DHX8: variants seen among roughly 807,000 people sequenced by gnomAD.
The protein encoded by DHX8 is ATP-dependent RNA helicase DHX8.
In DHX8, 67 loss-of-function variants were observed where a neutral mutation model predicts 140.7. That is an observed-to-expected ratio of 0.48 (90% CI 0.39 to 0.58). DHX8 has a LOEUF of 0.58. DHX8 is among the 20% of genes least tolerant of loss of function. The pLI is 0.00. For missense variants in DHX8, 887 were observed against 1,550.7 expected (o/e 0.57, Z 7.19); for synonymous variants, 533 against 553.2 (o/e 0.96, Z 0.51).
At chr17:43,489,417 C>T (rs774763179) in intron 1 of DHX8, 32 bp from the exon 2 acceptor site, 24 of 460,512 alleles carry the variant, frequency 5.2e-5, no homozygotes, top group Non-Finnish European at 8.7e-5. Flanking sequence ...GTTCATGTCT[C>T]TTCTTTTCTG....
chr17:43,492,898 T>A lies in DHX8; in HGVS notation c.721T>A (p.Tyr241Asn). ...PPKDRKDRDK[Y>N]GERNLDRWRD... ...CAAAGACCGGAAGGACCGGGACAAATATGGAGAGCGGAATCTGGATAGATG... is the reference window on the plus strand; with the variant it reads ...CAAAGACCGGAAGGACCGGGACAAAAATGGAGAGCGGAATCTGGATAGATG... Residue 241 changes from tyrosine (Y) to asparagine (N), a missense_variant, in exon 6 of 23, where the codon TAT (tyrosine) becomes AAT (asparagine). Tyr to Asn is a moderately radical substitution (Grantham distance 143). Coordinates refer to ENST00000262415, the MANE Select transcript of DHX8 (RefSeq NM_004941.3). The A allele has an allele frequency of 6.2e-7, 1 of 1,614,112 alleles. No homozygotes were observed. Among genetic ancestry groups the A allele is most frequent in the Non-Finnish European group, 8.5e-7 (1 of 1,180,020 alleles).
chr17:43,488,401 GGA>G (rs1403305486), intron 1 of DHX8, among the ~76,000 whole-genome samples: 1 of 152,132 alleles, frequency 6.6e-6, no homozygotes, highest in Non-Finnish European at 1.5e-5. Context: ...CACAAGGTCA[GGA>G]GATCAAGACC....
chr17:43,528,462 C>G, downstream of DHX8: 2 of 1,200,456 alleles, frequency 1.7e-6, no homozygotes, highest in Non-Finnish European at 2.3e-6. Flanking sequence ...ACACCAGATT[C>G]ATTTATATGT....
chr17:43,509,931 A>G (rs751729985), intron 16 of DHX8, among the ~76,000 whole-genome samples: 5 of 151,966 alleles, frequency 3.3e-5, no homozygotes, highest in Admixed American at 6.6e-5. Flanking sequence ...GGCCTCCCAA[A>G]GTGCTGGGAT....
intron 2 of DHX8, chr17:43,532,555 G>A: frequency 1.2e-6 from 1 of 865,478 alleles, no homozygotes; most frequent in Non-Finnish European, 1.8e-6. Context: ...AAGAAAAAAA[G>A]TGGGTGGGTG....
At chr17:43,519,075 G>T (rs562767357) in intron 18 of DHX8, 6 of 152,306 alleles carry the variant, frequency 3.9e-5, no homozygotes, top group African/African-American at 1.4e-4. Context: ...TTAGTGTGCA[G>T]GTATCTGTTT....
Position 43,507,696 on chromosome 17 carries a change from G to GAT in DHX8, c.2109+9_2109+10dup, listed in dbSNP as rs769929822. 1.9e-6 allele frequency: 3 copies of GAT among 1,613,676 alleles called. No homozygotes were observed. The Admixed American group carries it at 5.0e-5, about 27-fold the overall frequency. The stretch of plus-strand genomic sequence containing the variant: ...TTTGGATTGTTGAAAAAGGTAACTA[G>GAT]ATGCTCTTTAATGACCCCTCTACCT... On this transcript the variant is annotated intron_variant, in intron 14 of 22. Transcript: ENST00000262415.
chr17:43,526,638 T>C, downstream of DHX8: 1 of 1,532,552 alleles, frequency 6.5e-7, no homozygotes, highest in Non-Finnish European at 8.7e-7. Flanking sequence ...TCTCAGCTTG[T>C]GGAGACCTTT....
chr17:43,486,397 G>A (rs1968146194), intron 1 of DHX8, among the ~76,000 whole-genome samples: 1 of 152,128 alleles, frequency 6.6e-6, no homozygotes, highest in Non-Finnish European at 1.5e-5. Flanking sequence ...AGTTGAGATA[G>A]TAGAGTTTCC....
chr17:43,505,800 G>A (rs1567686929), intron 12 of DHX8, among the ~76,000 whole-genome samples: 1 of 151,876 alleles, frequency 6.6e-6, no homozygotes, highest in African/African-American at 2.4e-5. Flanking sequence ...TAAGACCACC[G>A]AGTCTTCCTT....
chr17:43,520,003 C>G, intron 18 of DHX8, 127 bp from the exon 19 acceptor site: 5 of 993,752 alleles, frequency 5.0e-6, no homozygotes, highest in Non-Finnish European at 7.7e-6. Flanking sequence ...AAGTTACCGC[C>G]AGTCTCACCG....
intron 10 of DHX8, 40 bp from the exon 11 acceptor site, chr17:43,499,916 G>A (rs567517338): frequency 1.8e-5 from 29 of 1,606,208 alleles, no homozygotes; most frequent in Middle Eastern, 3.3e-4. Context: ...ATTATTTCCC[G>A]GACATTTAAT....
chr17:43,484,221 G>A (rs746361947), intron 1 of DHX8, 36 bp downstream of exon 1: 2 of 1,576,240 alleles, frequency 1.3e-6, no homozygotes, highest in South Asian at 1.1e-5. Flanking sequence ...CTCAGTTTGG[G>A]ATTGAGGGAA....
chr17:43,492,289 A>T lies in DHX8; in HGVS notation c.500A>T (p.His167Leu). ...CAGGAGAAGCAAAGAGATGCTGAACACCGGTTTGTCCTTAGTGTCCTGTCC... is the reference window on the plus strand; with the variant it reads ...CAGGAGAAGCAAAGAGATGCTGAACTCCGGTTTGTCCTTAGTGTCCTGTCC... ...AGQEKQRDAE[H>L]RDRTKKKKRS... The change falls in exon 5 of 23, where the codon CAC (histidine) becomes CTC (leucine). Residue 167 changes from histidine to leucine, a missense_variant. By Grantham distance (99) the His-to-Leu change is moderately conservative. Coordinates refer to ENST00000262415, the MANE Select transcript of DHX8 (RefSeq NM_004941.3). The T allele has an allele frequency of 6.2e-7, 1 of 1,612,988 alleles. No homozygotes were observed. The highest frequency in any genetic ancestry group is 8.5e-7 in the Non-Finnish European group (1 of 1,179,068).
chr17:43,488,003 G>A (rs1968273414), intron 1 of DHX8, among the ~76,000 whole-genome samples: 1 of 151,902 alleles, frequency 6.6e-6, no homozygotes. Flanking sequence ...AAAAAGTCCA[G>A]GTGCGGTGGC....
intron 3 of DHX8, among the ~76,000 whole-genome samples, chr17:43,539,333 C>T (rs970543477): frequency 2.6e-5 from 4 of 152,174 alleles, no homozygotes; most frequent in African/African-American, 7.2e-5. Context: ...TCCTGACCAT[C>T]AGAGTCTCAG....
intron 2 of DHX8, 105 bp downstream of exon 2, chr17:43,489,639 G>A (rs1183005476): frequency 2.6e-6 from 2 of 763,496 alleles, no homozygotes; most frequent in Non-Finnish European, 2.1e-6. Context: ...CGCCTGGGCT[G>A]GAGTGCAGTG....
intron 3 of DHX8, among the ~76,000 whole-genome samples, chr17:43,538,976 C>T (rs1971388791): frequency 6.6e-6 from 1 of 152,170 alleles, no homozygotes; most frequent in Admixed American, 6.5e-5. Flanking sequence ...ATCTCTTTTG[C>T]TTCTCTCTAG....
At chr17:43,516,365 C>T (rs900508581) in intron 17 of DHX8, among the ~76,000 whole-genome samples, 7 of 152,226 alleles carry the variant, frequency 4.6e-5, no homozygotes, top group South Asian at 2.1e-4. Context: ...TACATTGTTT[C>T]GTAACTTGCA....
Sources: gnomAD v4.1 joint callset for allele counts (sites outside exome capture counted in the v4.1 genomes callset) on GRCh38, gnomAD v4.1.1 for gene constraint, MANE v1.5 for transcripts, NCBI Gene and HGNC (gene_info 2026-07-23, HGNC 2026-07-21) for gene names.